The following MYO1E variants were observed in gnomAD, a reference collection of about 807,000 sequenced individuals.
The protein encoded by MYO1E is myosin IE.
MYO1E carries 68 observed loss-of-function variants against 151.1 expected under a neutral mutation model. The observed-to-expected ratio is 0.45, with a 90% CI of 0.37 to 0.55. The LOEUF is 0.55. MYO1E is among the 20% of genes least tolerant of loss of function. The pLI, the probability that MYO1E is intolerant of heterozygous loss-of-function variation, is 0.00. For missense variants in MYO1E, 1,363 were observed against 1,389.3 expected, an observed-to-expected ratio of 0.98 and a Z score of 0.30; for synonymous variants, 601 against 501.7, an observed-to-expected ratio of 1.20 and a Z score of -2.64.
chr15:59,157,051 C>T (rs1050499110), intron 25 of MYO1E, among the ~76,000 whole-genome samples: 1 of 151,382 alleles, frequency 6.6e-6, no homozygotes, highest in African/African-American at 2.4e-5. Context: ...AGTGAGACTC[C>T]GTGTCTACAA....
chr15:59,366,021 C>T (rs1013189979), intron 1 of MYO1E, among the ~76,000 whole-genome samples: 4 of 152,210 alleles, frequency 2.6e-5, no homozygotes, highest in Non-Finnish European at 5.9e-5. Flanking sequence ...TCTTGTTGCC[C>T]AGGCTGGAGT....
chr15:59,207,743 G>C, intron 14 of MYO1E: 1 of 1,614,088 alleles, frequency 6.2e-7, no homozygotes, highest in African/African-American at 1.3e-5. Flanking sequence ...TCTGATATAG[G>C]AACTGATAAA....
At chr15:59,323,054 A>G (rs1370720208) in intron 1 of MYO1E, among the ~76,000 whole-genome samples, 2 of 151,022 alleles carry the variant, frequency 1.3e-5, no homozygotes, top group East Asian at 3.9e-4. Context: ...CTGTAGTCCC[A>G]GCTACTCAGG....
chr15:59,184,331 G>A (rs1241015034), intron 18 of MYO1E, among the ~76,000 whole-genome samples: 1 of 151,634 alleles, frequency 6.6e-6, no homozygotes, highest in East Asian at 1.9e-4. Context: ...TTTTATGCCT[G>A]AATAGTACTC....
intron 1 of MYO1E, among the ~76,000 whole-genome samples, chr15:59,289,584 A>C (rs2140395690): frequency 6.6e-6 from 1 of 152,354 alleles, no homozygotes; most frequent in Non-Finnish European, 1.5e-5. Flanking sequence ...TGCTTATGGG[A>C]AGAAAGTAAG....
chr15:59,165,075 T>G (rs2079556454), intron 22 of MYO1E, among the ~76,000 whole-genome samples: 3 of 152,228 alleles, frequency 2.0e-5, no homozygotes, highest in Non-Finnish European at 4.4e-5. Context: ...TGCCTGCACC[T>G]TGACCTTGGA....
chr15:59,314,588 G>T (rs1169215352), intron 1 of MYO1E, among the ~76,000 whole-genome samples: 1 of 152,032 alleles, frequency 6.6e-6, no homozygotes, highest in East Asian at 1.9e-4. Flanking sequence ...GGACTGAGTG[G>T]TCAGTGGCTT....
chr15:59,238,028 T>TG (rs1193455113), intron 4 of MYO1E, among the ~76,000 whole-genome samples: 1 of 152,198 alleles, frequency 6.6e-6, no homozygotes, highest in Non-Finnish European at 1.5e-5. Flanking sequence ...CCTAGTGCTA[T>TG]GCTCCTGGCT....
chr15:59,300,309 C>CAG (rs1455595892), intron 1 of MYO1E, among the ~76,000 whole-genome samples: 1 of 151,860 alleles, frequency 6.6e-6, no homozygotes, highest in Non-Finnish European at 1.5e-5. Flanking sequence ...CACACACACA[C>CAG]ACACAGACAC....
At chr15:59,139,690 C>T (rs2079397556) in intron 26 of MYO1E, among the ~76,000 whole-genome samples, 1 of 150,706 alleles carries the variant, frequency 6.6e-6, no homozygotes, top group African/African-American at 2.4e-5. Flanking sequence ...GATGTCCCTC[C>T]TACCCCTCAT....
chr15:59,354,038 T>G (rs1365761221), intron 1 of MYO1E, among the ~76,000 whole-genome samples: 1 of 152,138 alleles, frequency 6.6e-6, no homozygotes, highest in Non-Finnish European at 1.5e-5. Context: ...AAACCCCCAT[T>G]TGGAGAAAGC....
intron 1 of MYO1E, among the ~76,000 whole-genome samples, chr15:59,362,089 G>A (rs1403018568): frequency 6.6e-6 from 1 of 151,866 alleles, no homozygotes; most frequent in East Asian, 1.9e-4. Context: ...CACCCGCCTC[G>A]GCCTTCCAAA....
rs144170270 is a variant in MYO1E, at chr15:59,176,606, C to T, written c.2049+1787G>A. Among the ~76,000 whole-genome samples, 594 of 152,026 alleles carry T rather than the reference C, an allele frequency of 3.9e-3. 6 individuals carry two copies. Among genetic ancestry groups the T allele is most frequent in the African/African-American group, 0.014 (568 of 41,480 alleles). ...CCTCCTGAGTAGCTAGGACAGCAGG[C>T]GTGTACCACCACACCCAGCTAATTT... On this transcript the variant is annotated intron_variant, in intron 19 of 27. Coordinates refer to ENST00000288235, the MANE Select transcript of MYO1E (RefSeq NM_004998.4).
chr15:59,153,468 T>C (rs1473513612), intron 26 of MYO1E, 122 bp downstream of exon 26: 1 of 1,094,758 alleles, frequency 9.1e-7, no homozygotes, highest in Admixed American at 2.0e-5. Flanking sequence ...CATATAGCAC[T>C]GAGGTGGAAA....
chr15:59,153,897 C>A, intron 25 of MYO1E, 106 bp from the exon 26 acceptor site: 1 of 1,071,360 alleles, frequency 9.3e-7, no homozygotes, highest in East Asian at 2.4e-5. Flanking sequence ...TACTTAACTT[C>A]TGAGTCTCAA....
rs2079873078 is a variant in MYO1E, at chr15:59,210,618, G to A, written c.1276-18C>T. On this transcript the variant is annotated intron_variant, in intron 12 of 27. Coordinates refer to ENST00000288235, the MANE Select transcript of MYO1E (RefSeq NM_004998.4). The stretch of plus-strand genomic sequence containing the variant: ...TATTCTTCCTGTAACACAGAGACAA[G>A]GAACTCACATTATTTCCCAGATAGC... 2 of 1,523,608 alleles carry A rather than the reference G, an allele frequency of 1.3e-6. No individual in the cohort carries two copies. Among genetic ancestry groups the A allele is most frequent in the Non-Finnish European group, 1.8e-6 (2 of 1,097,768 alleles). The allele number at this position is 1,523,608 out of a possible 1,614,324, so 94.4% of individuals were successfully genotyped here.
intron 4 of MYO1E, among the ~76,000 whole-genome samples, chr15:59,248,843 G>T (rs542447878): frequency 6.6e-6 from 1 of 152,136 alleles, no homozygotes; most frequent in Non-Finnish European, 1.5e-5. Flanking sequence ...TCATCCCTTC[G>T]CTCAGAATTC....
chr15:59,314,942 C>T (rs1471335703), intron 1 of MYO1E, among the ~76,000 whole-genome samples: 3 of 152,038 alleles, frequency 2.0e-5, no homozygotes, highest in Non-Finnish European at 4.4e-5. Flanking sequence ...CTCAAGGTTG[C>T]CTGGTCTGAT....
intron 26 of MYO1E, among the ~76,000 whole-genome samples, chr15:59,146,260 G>C (rs577274516): frequency 6.6e-6 from 1 of 152,148 alleles, no homozygotes; most frequent in African/African-American, 2.4e-5. Flanking sequence ...AAACATCACA[G>C]AATTGAAAAT....
Sources: gnomAD v4.1 joint callset for allele counts (sites outside exome capture counted in the v4.1 genomes callset) on GRCh38, gnomAD v4.1.1 for gene constraint, MANE v1.5 for transcripts, NCBI Gene and HGNC (gene_info 2026-07-23, HGNC 2026-07-21) for gene names.